Variants in SLC25A33 observed in about 807,000 individuals in gnomAD.
SLC25A33 encodes the protein solute carrier family 25 member 33, also known as bone marrow stromal cell mitochondrial carrier protein.
In SLC25A33, 15 loss-of-function variants were observed where a neutral mutation model predicts 35.5. The ratio of observed to expected loss-of-function variants is 0.42; its 90% confidence interval spans 0.28 to 0.65. SLC25A33 has a LOEUF of 0.65. Among genes scored for constraint, SLC25A33 ranks in the 30% least tolerant of loss-of-function variants. The pLI is 0.20. For synonymous variants in SLC25A33, 136 were observed against 148.7 expected, an observed-to-expected ratio of 0.91 and a Z score of 0.62; for missense variants, 257 against 398.5, an observed-to-expected ratio of 0.64 and a Z score of 3.02.
intron 1 of SLC25A33, among the ~76,000 whole-genome samples, chr1:9,542,628 C>G (rs1048776164): frequency 2.0e-5 from 3 of 152,132 alleles, no homozygotes; most frequent in African/African-American, 7.2e-5. Context: ...CTAGTTGCTG[C>G]TGTTGTTAAG....
At chr1:9,575,212 CAAAAAAA>C (rs909942057) in intron 5 of SLC25A33, among the ~76,000 whole-genome samples, 5,217 of 58,668 alleles carry the variant, frequency 0.089, 114 homozygotes, top group Non-Finnish European at 0.12. Context: ...GACTCTGGCT[CAAAAAAA>C]AAAAAAAAAA....
Position 9,579,982 on chromosome 1 carries a change from C to T in SLC25A33, c.511C>T (p.Leu171Phe), listed in dbSNP as rs1341103116. Residue 171 changes from leucine (L) to phenylalanine (F), a missense_variant, in exon 6 of 7, where the codon CTC (leucine) becomes TTC (phenylalanine). By Grantham distance (22) the Leu-to-Phe change is conservative (BLOSUM62 0). Coordinates refer to ENST00000302692, the MANE Select transcript of SLC25A33 (RefSeq NM_032315.3). ...KVRGSKQMNT[L>F]QCARYVYQTE... The stretch of plus-strand genomic sequence containing the variant: ...GAGGGGCTCTAAGCAGATGAATACA[C>T]TCCAGTGTGCTCGTTACGTTTACCA... The T allele has an allele frequency of 1.2e-6, 2 of 1,613,524 alleles. No homozygotes were observed. The highest frequency in any genetic ancestry group is 8.5e-7 in the Non-Finnish European group (1 of 1,179,746).
intron 1 of SLC25A33, among the ~76,000 whole-genome samples, chr1:9,544,053 T>C (rs12042761): frequency 6.6e-6 from 1 of 151,886 alleles, no homozygotes; most frequent in Admixed American, 6.6e-5. Flanking sequence ...TGCAGTGAGC[T>C]GAGATTGCTC....
chr1:9,549,711 C>T (rs1203122032), intron 1 of SLC25A33, among the ~76,000 whole-genome samples: 1 of 150,740 alleles, frequency 6.6e-6, no homozygotes, highest in Non-Finnish European at 1.5e-5. Context: ...ACCTCCGCCT[C>T]CCAGATTCAA....
intron 5 of SLC25A33, chr1:9,576,518 G>A: frequency 1.9e-6 from 1 of 526,856 alleles, no homozygotes; most frequent in East Asian, 5.0e-5. Flanking sequence ...AATGGCCCCA[G>A]AGGAACCATG....
intron 1 of SLC25A33, among the ~76,000 whole-genome samples, chr1:9,551,525 A>G (rs1050071898): frequency 2.6e-5 from 4 of 152,138 alleles, no homozygotes; most frequent in African/African-American, 7.2e-5. Context: ...TAAACATTCT[A>G]TATGTCCAGG....
intron 2 of SLC25A33, among the ~76,000 whole-genome samples, chr1:9,556,701 C>G (rs200929044): frequency 0.015 from 2,249 of 150,762 alleles, 74 homozygotes; most frequent in Admixed American, 0.067. Context: ...GTGTGTGTGT[C>G]TGTGTGTGTG....
chr1:9,562,919 C>CTTT (rs370570053), intron 2 of SLC25A33, among the ~76,000 whole-genome samples: 138 of 126,732 alleles, frequency 1.1e-3, no homozygotes, highest in South Asian at 3.3e-3. Context: ...AAAATAATAG[C>CTTT]TTTTTTTTTT....
intron 2 of SLC25A33, among the ~76,000 whole-genome samples, chr1:9,559,070 T>G (rs1373744163): frequency 1.3e-5 from 2 of 152,222 alleles, no homozygotes; most frequent in East Asian, 3.8e-4. Context: ...CAGTAGACAT[T>G]GTCTGCACGG....
chr1:9,576,495 C>T, intron 5 of SLC25A33: 1 of 492,530 alleles, frequency 2.0e-6, no homozygotes, highest in South Asian at 1.5e-5. Context: ...TGAAGAGATG[C>T]ACAGTTACTG....
At chr1:9,559,551 TG>T (rs1288228621) in intron 2 of SLC25A33, among the ~76,000 whole-genome samples, 1 of 149,368 alleles carries the variant, frequency 6.7e-6, no homozygotes, top group African/African-American at 2.5e-5. Context: ...AAAAAAAAGG[TG>T]GGGGGGAATA....
At chr1:9,573,974 TTTGTTG>T (rs372493170) in intron 5 of SLC25A33, among the ~76,000 whole-genome samples, 3 of 151,986 alleles carry the variant, frequency 2.0e-5, no homozygotes, top group South Asian at 2.1e-4. Flanking sequence ...TTTTTGTTTT[TTTGTTG>T]TTGTTGTTGT....
At chr1:9,559,048 G>A (rs1363506106) in intron 2 of SLC25A33, among the ~76,000 whole-genome samples, 4 of 151,990 alleles carry the variant, frequency 2.6e-5, no homozygotes, top group Non-Finnish European at 5.9e-5. Flanking sequence ...ATTTCCCACC[G>A]CAGGGTGTTT....
intron 1 of SLC25A33, among the ~76,000 whole-genome samples, chr1:9,544,184 T>C (rs1416812496): frequency 6.6e-6 from 1 of 151,934 alleles, no homozygotes; most frequent in Non-Finnish European, 1.5e-5. Flanking sequence ...TTCAATGTTT[T>C]CCCACCTAGT....
At chr1:9,571,516 A>G (rs946269924) in intron 4 of SLC25A33, among the ~76,000 whole-genome samples, 3 of 152,054 alleles carry the variant, frequency 2.0e-5, no homozygotes, top group Admixed American at 6.6e-5. Flanking sequence ...GATAGTCTCG[A>G]TCTGCCTGCC....
chr1:9,540,807 G>A (rs1643067847), intron 1 of SLC25A33, among the ~76,000 whole-genome samples: 1 of 152,132 alleles, frequency 6.6e-6, no homozygotes, highest in African/African-American at 2.4e-5. Flanking sequence ...AACTTATCTT[G>A]GAAGATGACT....
At position 9,583,983 on chromosome 1, in the gene SLC25A33, C is replaced by A. The variant is rs894027605; in HGVS notation, c.*1482C>A. ...GCACTCCAGCCTGGGCCACAGAGTG[C>A]GACTCCATCTCAAAAAAAAAAAAAA... On this transcript the variant is annotated 3_prime_UTR_variant, in exon 7 of 7. Transcript: ENST00000302692. 7 of 146,464 alleles carry A rather than the reference C, an allele frequency of 4.8e-5. 1 individual carries two copies. The South Asian group carries it at 1.3e-3, about 27-fold the overall frequency. The allele number at this position is 146,464 out of a possible 1,614,324, so 9.1% of individuals were successfully genotyped here. A position where few individuals can be genotyped will look rare whatever the true frequency, so the allele number is the denominator to read the frequency against.
chr1:9,573,115 G>A (rs1476777232), intron 4 of SLC25A33, among the ~76,000 whole-genome samples: 1 of 152,008 alleles, frequency 6.6e-6, no homozygotes, highest in African/African-American at 2.4e-5. Context: ...GACTAGAAGG[G>A]ATTCTAGAAA....
rs772348431 is a variant in SLC25A33, at chr1:9,582,392, C to T, written c.857C>T (p.Ala286Val). ...GTGTTCCGGGAAGAAGGCTACCTTG[C>T]CTTTTATAGAGGACTGTTTGCCCAG... ...RLVFREEGYL[A>V]FYRGLFAQLI... Residue 286 changes from alanine to valine, a missense_variant, in exon 7 of 7, where the codon GCC becomes GTC. By Grantham distance (64) the Ala-to-Val change is moderately conservative. Transcript: ENST00000302692. This position sits in a 1 kb window ranked among gnomAD's most constrained non-coding sequence, Gnocchi z 4.0. 22 of 1,613,864 alleles carry T rather than the reference C, an allele frequency of 1.4e-5. No homozygotes were observed. In the Admixed American group the frequency reaches 3.7e-4, roughly 27 times the overall value.
Sources: gnomAD v4.1 joint callset for allele counts (sites outside exome capture counted in the v4.1 genomes callset) on GRCh38, gnomAD v4.1.1 for gene constraint, Gnocchi (gnomAD v3.1) non-coding constraint, MANE v1.5 for transcripts, NCBI Gene and HGNC (gene_info 2026-07-23, HGNC 2026-07-21) for gene names.